PLCB1: variants seen among roughly 807,000 people sequenced by gnomAD.
PLCB1 encodes the protein phospholipase C beta 1.
In PLCB1, 46 loss-of-function variants were observed where a neutral mutation model predicts 161.8. That is an observed-to-expected ratio of 0.28 (90% CI 0.22 to 0.36). The LOEUF is 0.36. PLCB1 is among the 10% of genes least tolerant of loss of function. PLCB1 has a pLI of 1.00. For missense variants in PLCB1, 1,016 were observed against 1,472.5 expected (o/e 0.69, Z 5.07); for synonymous variants, 517 against 503.7 (o/e 1.03, Z -0.35).
intron 4 of PLCB1, among the ~76,000 whole-genome samples, chr20:8,642,982 A>G (rs1989003190): frequency 6.6e-6 from 1 of 152,254 alleles, no homozygotes; most frequent in Admixed American, 6.5e-5. Context: ...GTTTAAAATT[A>G]TCTATTTTAA....
intron 3 of PLCB1, among the ~76,000 whole-genome samples, chr20:8,591,354 A>G (rs929709619): frequency 1.3e-5 from 2 of 152,190 alleles, no homozygotes; most frequent in Non-Finnish European, 2.9e-5. Context: ...GAGACAAAGT[A>G]GATAATAAGC....
chr20:8,200,160 T>C (rs957755742), intron 2 of PLCB1, among the ~76,000 whole-genome samples: 12 of 152,130 alleles, frequency 7.9e-5, no homozygotes, highest in African/African-American at 2.9e-4. Context: ...TATATTTTGA[T>C]ATACACAAGT....
chr20:8,330,226 A>T (rs1271990054), intron 2 of PLCB1, among the ~76,000 whole-genome samples: 2 of 152,184 alleles, frequency 1.3e-5, no homozygotes, highest in East Asian at 3.9e-4. Context: ...ACAGTGTATT[A>T]ACTCATCGTT....
intron 3 of PLCB1, among the ~76,000 whole-genome samples, chr20:8,458,589 A>G (rs772480752): frequency 2.6e-5 from 4 of 152,310 alleles, no homozygotes; most frequent in East Asian, 1.9e-4. Context: ...TGCTACATCA[A>G]CGTCCTTAGA....
At chr20:8,717,927 A>G (rs982576956) in intron 14 of PLCB1, 79 bp downstream of exon 14, 1 of 1,253,934 alleles carries the variant, frequency 8.0e-7, no homozygotes, top group South Asian at 1.7e-5. Flanking sequence ...GTGGTGGCTC[A>G]TGCCTGTAAT....
At chr20:8,470,834 T>C (rs1204623941) in intron 3 of PLCB1, among the ~76,000 whole-genome samples, 1 of 152,220 alleles carries the variant, frequency 6.6e-6, no homozygotes, top group African/African-American at 2.4e-5. Flanking sequence ...TTGTAAAATT[T>C]GAATAACTTT....
chr20:8,736,940 A>C (rs1184917260), intron 19 of PLCB1, 88 bp from the exon 20 acceptor site: 2 of 961,004 alleles, frequency 2.1e-6, no homozygotes, highest in African/African-American at 3.3e-5. Flanking sequence ...GCTGAAGAGC[A>C]TTTGTGGCTC....
chr20:8,512,768 C>T (rs1194506573), intron 3 of PLCB1, among the ~76,000 whole-genome samples: 4 of 152,046 alleles, frequency 2.6e-5, no homozygotes, highest in Non-Finnish European at 5.9e-5. Context: ...CTAATATATC[C>T]ATTACCTCAC....
At chr20:8,877,472 C>T (rs1987819237) in intron 31 of PLCB1, among the ~76,000 whole-genome samples, 1 of 152,214 alleles carries the variant, frequency 6.6e-6, no homozygotes, top group African/African-American at 2.4e-5. Context: ...TTTAATCTGA[C>T]AAGCATCAGC....
At chr20:8,674,276 A>C (rs1222205341) in intron 9 of PLCB1, among the ~76,000 whole-genome samples, 2 of 152,198 alleles carry the variant, frequency 1.3e-5, no homozygotes, top group African/African-American at 4.8e-5. Flanking sequence ...AGAGATTGCT[A>C]TTTGTATGGG....
rs182383246 is a variant in PLCB1 at position 8,570,290 on chromosome 20, C to G, written c.247-58004C>G. Among the ~76,000 whole-genome samples, 555 of 152,290 alleles carry G rather than the reference C, an allele frequency of 3.6e-3. 2 individuals are homozygous for G. The highest frequency in any genetic ancestry group is 6.2e-3 in the Non-Finnish European group (423 of 68,028). ...AGCAGATCAGGGCACCCCTCTGCAA[C>G]AGTGGTGGAGTCAATTCCCCTCTAA... On this transcript the variant is annotated intron_variant, in intron 3 of 31. Coordinates refer to ENST00000338037, the MANE Select transcript of PLCB1 (RefSeq NM_015192.4).
chr20:8,584,483 G>GACAC (rs61008784), intron 3 of PLCB1, among the ~76,000 whole-genome samples: 2,961 of 147,700 alleles, frequency 0.02, 87 homozygotes, highest in African/African-American at 0.06. Flanking sequence ...CACACACACA[G>GACAC]ACACACACAC....
At chr20:8,226,844 C>T (rs1038439559) in intron 2 of PLCB1, among the ~76,000 whole-genome samples, 3 of 151,904 alleles carry the variant, frequency 2.0e-5, no homozygotes, top group African/African-American at 7.3e-5. Flanking sequence ...CCTGCCACTG[C>T]GTCTGGCTAA....
chr20:8,135,973 T>G (rs919406583), intron 1 of PLCB1, among the ~76,000 whole-genome samples: 5 of 152,116 alleles, frequency 3.3e-5, no homozygotes, highest in African/African-American at 1.2e-4. Context: ...CCTTGGTCTA[T>G]ATTGGGCAGG....
intron 3 of PLCB1, among the ~76,000 whole-genome samples, chr20:8,402,777 G>C (rs528733717): frequency 1.9e-4 from 29 of 151,784 alleles, no homozygotes; most frequent in African/African-American, 6.8e-4. Flanking sequence ...CCTGGGAGGC[G>C]GAGCTTGCAG....
intron 2 of PLCB1, among the ~76,000 whole-genome samples, chr20:8,299,303 T>C (rs376195768): frequency 7.2e-5 from 11 of 152,156 alleles, no homozygotes; most frequent in African/African-American, 2.6e-4. Flanking sequence ...AAAACAGTGG[T>C]TTTGAGTACT....
At chr20:8,387,632 G>C (rs545018917) in intron 3 of PLCB1, among the ~76,000 whole-genome samples, 1 of 152,268 alleles carries the variant, frequency 6.6e-6, no homozygotes, top group East Asian at 1.9e-4. Context: ...AGACTTGCTG[G>C]ACTCAGGAAT....
chr20:8,647,477 T>C (rs929605605), intron 5 of PLCB1, among the ~76,000 whole-genome samples: 4 of 152,190 alleles, frequency 2.6e-5, no homozygotes, highest in African/African-American at 9.7e-5. Context: ...CTTCCTGAAG[T>C]AGAATTCCCA....
chr20:8,644,625 G>GC (rs1353250685), intron 4 of PLCB1, among the ~76,000 whole-genome samples: 2 of 152,046 alleles, frequency 1.3e-5, no homozygotes, highest in African/African-American at 4.8e-5. Flanking sequence ...GAAGTGAGGA[G>GC]CCCCTCTGCC....
Sources: gnomAD v4.1 joint callset for allele counts (sites outside exome capture counted in the v4.1 genomes callset) on GRCh38, gnomAD v4.1.1 for gene constraint, MANE v1.5 for transcripts, NCBI Gene and HGNC (gene_info 2026-07-23, HGNC 2026-07-21) for gene names.